Variants in SLC26A7 observed in about 807,000 individuals in gnomAD.
SLC26A7 encodes anion exchange transporter.
A neutral mutation model predicts 82.5 loss-of-function variants in SLC26A7; 59 were observed. That is an observed-to-expected ratio of 0.72 (90% CI 0.58 to 0.89). The LOEUF (loss-of-function observed/expected upper bound fraction) is 0.89, where lower values mean the gene tolerates loss of function less well. SLC26A7 is among the 40% of genes least tolerant of loss of function. The pLI is 0.00. For missense variants in SLC26A7, 820 were observed against 793.0 expected, an observed-to-expected ratio of 1.03 and a Z score of -0.41; for synonymous variants, 271 against 274.3, an observed-to-expected ratio of 0.99 and a Z score of 0.12.
At chr8:91,394,932 G>A (rs1414238983) in intron 18 of SLC26A7, 130 bp from the exon 19 acceptor site, 3 of 1,077,362 alleles carry the variant, frequency 2.8e-6, no homozygotes, top group Non-Finnish European at 4.2e-6. Context: ...CTACTCTGAT[G>A]CCTCATAAAA....
chr8:91,226,999 G>A (rs1461606988), intron 2 of SLC26A7, among the ~76,000 whole-genome samples: 1 of 152,220 alleles, frequency 6.6e-6, no homozygotes, highest in Non-Finnish European at 1.5e-5. Context: ...CTGGAAGAAT[G>A]CATCTGCTTC....
chr8:91,320,805 C>G (rs185260214), intron 5 of SLC26A7, among the ~76,000 whole-genome samples: 165 of 152,320 alleles, frequency 1.1e-3, no homozygotes, highest in Non-Finnish European at 1.7e-3. Context: ...GACATGTATC[C>G]TGCCTCTGAG....
At chr8:91,323,598 C>T (rs529447561) in intron 5 of SLC26A7, among the ~76,000 whole-genome samples, 1 of 152,252 alleles carries the variant, frequency 6.6e-6, no homozygotes, top group African/African-American at 2.4e-5. Context: ...TTCCCTTAGA[C>T]CACATTTGTT....
intron 2 of SLC26A7, among the ~76,000 whole-genome samples, chr8:91,268,852 A>AT (rs1001422603): frequency 6.6e-6 from 1 of 151,032 alleles, no homozygotes; most frequent in Non-Finnish European, 1.5e-5. Flanking sequence ...TCCATTATAG[A>AT]TTTTTTTGTG....
At chr8:91,257,232 G>T (rs191233738) in intron 2 of SLC26A7, among the ~76,000 whole-genome samples, 1 of 152,246 alleles carries the variant, frequency 6.6e-6, no homozygotes, top group Non-Finnish European at 1.5e-5. Context: ...ATACTGGCCT[G>T]AGCATCCATG....
At chr8:91,308,501 A>G (rs1812386609) in intron 4 of SLC26A7, among the ~76,000 whole-genome samples, 1 of 152,118 alleles carries the variant, frequency 6.6e-6, no homozygotes, top group Non-Finnish European at 1.5e-5. Flanking sequence ...ATCATTGTTG[A>G]TGTTAACTTG....
intron 2 of SLC26A7, among the ~76,000 whole-genome samples, chr8:91,278,940 A>T (rs1022893657): frequency 6.6e-6 from 1 of 151,478 alleles, no homozygotes; most frequent in African/African-American, 2.4e-5. Context: ...GGTAACTATC[A>T]TTTCACTCTT....
At chr8:91,297,462 G>A (rs1812047622) in intron 4 of SLC26A7, among the ~76,000 whole-genome samples, 1 of 151,914 alleles carries the variant, frequency 6.6e-6, no homozygotes, top group Admixed American at 6.6e-5. Flanking sequence ...AATTATAAGA[G>A]CAAAGCAGAA....
intron 3 of SLC26A7, among the ~76,000 whole-genome samples, chr8:91,292,305 C>CAA (rs758275709): frequency 5.3e-4 from 39 of 73,024 alleles, no homozygotes; most frequent in African/African-American, 1.7e-3. Flanking sequence ...GACTCTGTCT[C>CAA]AAAAAAAAAA....
At chr8:91,350,092 T>C (rs1334978455) in intron 9 of SLC26A7, among the ~76,000 whole-genome samples, 1 of 152,178 alleles carries the variant, frequency 6.6e-6, no homozygotes, top group Non-Finnish European at 1.5e-5. Context: ...GTAAGAATTG[T>C]TTTTCCCCTT....
chr8:91,353,004 G>C lies in SLC26A7; in HGVS notation c.1314+8G>C, dbSNP rs552296277. On this transcript the variant is annotated splice_region_variant and intron_variant, in intron 11 of 18. Transcript: ENST00000276609. The stretch of plus-strand genomic sequence containing the variant: ...GTGGATAAAATCGATTGGGTAAGTA[G>C]AAATTTGACCTAAAACAATCCCTTT... 2.5e-6 allele frequency: 4 copies of C among 1,588,084 alleles called. No homozygotes were observed. In the East Asian group the frequency reaches 9.0e-5, roughly 36 times the overall value.
chr8:91,351,405 A>G (rs1813711094), intron 9 of SLC26A7, among the ~76,000 whole-genome samples: 1 of 152,172 alleles, frequency 6.6e-6, no homozygotes, highest in African/African-American at 2.4e-5. Context: ...TAAGCCACAT[A>G]TTCAGTTATT....
At position 91,302,121 on chromosome 8, in the gene SLC26A7, T is replaced by G. The variant is rs539905434; in HGVS notation, c.477+6418T>G. On this transcript the variant is annotated intron_variant, in intron 4 of 18. Coordinates refer to ENST00000276609, the MANE Select transcript of SLC26A7 (RefSeq NM_052832.4). ...CTAACATTTTCCTTCTAACCTACTG[T>G]ATAATCATTTTTTTGTGAGTGTTTC... Among the ~76,000 whole-genome samples, 17 of 152,262 alleles carry G rather than the reference T, an allele frequency of 1.1e-4. No individual in the cohort carries two copies. In the South Asian group the frequency reaches 1.9e-3, roughly 17 times the overall value.
Position 91,366,705 on chromosome 8 carries a change from TG to T in SLC26A7, c.1615del (p.Asp539IlefsTer34). 6.2e-7 allele frequency: 1 copy of T among 1,612,688 alleles called. No homozygotes were observed. On this transcript the variant is annotated frameshift_variant, in exon 14 of 19. Transcript: ENST00000276609. LOFTEE classifies it high-confidence loss of function. The stretch of plus-strand genomic sequence containing the variant: ...AAAATGCCTGTAATCAGCCACTTGA[TG>T]ATATCAGCAAGGTAGGATCAATGGT... Reference protein sequence around the residue: ...KENACNQPLDDISKCEQNTLL... With the variant: ...KENACNQPLDXISKCEQNTLL...
chr8:91,285,825 G>A lies in SLC26A7; in HGVS notation c.194-3311G>A, dbSNP rs575895823. ...TACAATAAAAAGGTAAGGCTGCTAGGCCAACAAAACATAGAGTATCTAACA... is the reference window on the plus strand; with the variant it reads ...TACAATAAAAAGGTAAGGCTGCTAGACCAACAAAACATAGAGTATCTAACA... On this transcript the variant is annotated intron_variant, in intron 2 of 18. Coordinates refer to ENST00000276609, the MANE Select transcript of SLC26A7 (RefSeq NM_052832.4). 5.9e-5 allele frequency among the ~76,000 whole-genome samples: 9 copies of A among 152,240 alleles called. No individual in the cohort carries two copies. The South Asian group carries it at 1.9e-3, about 32-fold the overall frequency.
At chr8:91,270,201 C>T (rs1314770058) in intron 2 of SLC26A7, among the ~76,000 whole-genome samples, 3 of 152,166 alleles carry the variant, frequency 2.0e-5, no homozygotes, top group Non-Finnish European at 2.9e-5. Context: ...ATAACCACTT[C>T]TTCCAGCTTT....
chr8:91,209,752 T>A (rs1809872078), intron 1 of SLC26A7, among the ~76,000 whole-genome samples: 1 of 152,204 alleles, frequency 6.6e-6, no homozygotes, highest in African/African-American at 2.4e-5. Context: ...TAATAGAATT[T>A]TGTTACTGCA....
At chr8:91,362,553 C>T (rs960658651) in intron 12 of SLC26A7, 94 bp downstream of exon 12, 1 of 876,354 alleles carries the variant, frequency 1.1e-6, no homozygotes, top group African/African-American at 1.7e-5. Context: ...TTTTATTTCT[C>T]TGTAACATAT....
At chr8:91,274,797 C>CT (rs1205472457) in intron 2 of SLC26A7, among the ~76,000 whole-genome samples, 1 of 152,148 alleles carries the variant, frequency 6.6e-6, no homozygotes, top group Non-Finnish European at 1.5e-5. Flanking sequence ...ATTTTTTATA[C>CT]TTCTAGATTT....
Sources: allele counts gnomAD v4.1 joint callset (sites outside exome capture counted in the v4.1 genomes callset), GRCh38; gene constraint gnomAD v4.1.1; transcripts MANE v1.5; gene names NCBI Gene and HGNC (gene_info 2026-07-23, HGNC 2026-07-21).